Variants in GNA14 observed in about 807,000 individuals in gnomAD.
GNA14 encodes the protein guanine nucleotide-binding protein subunit alpha-14.
A neutral mutation model predicts 42.0 loss-of-function variants in GNA14; 50 were observed. That is an observed-to-expected ratio of 1.19 (90% confidence interval 0.95 to 1.51). The LOEUF is 1.51. Ranked by LOEUF, GNA14 falls within the 40% of genes most tolerant of loss-of-function variation. GNA14 has a pLI of 0.00. For synonymous variants in GNA14, 173 were observed against 163.1 expected (o/e 1.06, Z -0.46); for missense variants, 473 against 446.2 (o/e 1.06, Z -0.54).
At chr9:77,448,201 A>G (rs979387025) in intron 2 of GNA14, among the ~76,000 whole-genome samples, 8 of 152,238 alleles carry the variant, frequency 5.3e-5, no homozygotes, top group African/African-American at 1.9e-4. Context: ...CACCAAGGCT[A>G]AATCACGTAC....
intron 2 of GNA14, among the ~76,000 whole-genome samples, chr9:77,524,599 T>C (rs913006435): frequency 1.3e-5 from 2 of 152,202 alleles, no homozygotes; most frequent in South Asian, 4.1e-4. Context: ...GTAAAGAAGA[T>C]AACATATAGC....
intron 1 of GNA14, among the ~76,000 whole-genome samples, chr9:77,621,521 C>A (rs563009173): frequency 6.6e-6 from 1 of 152,282 alleles, no homozygotes; most frequent in African/African-American, 2.4e-5. Context: ...TGTTTAGTGT[C>A]CACTCTTATC....
intron 1 of GNA14, among the ~76,000 whole-genome samples, chr9:77,540,759 C>T (rs1837650110): frequency 6.6e-6 from 1 of 152,030 alleles, no homozygotes; most frequent in African/African-American, 2.4e-5. Flanking sequence ...TTTTACCTGA[C>T]ATAAGTATAG....
At chr9:77,644,437 C>CATAAAAAAAAAA (rs1824320632) in intron 1 of GNA14, among the ~76,000 whole-genome samples, 1 of 34,012 alleles carries the variant, frequency 2.9e-5, no homozygotes, top group African/African-American at 1.2e-4. Flanking sequence ...TAAAGAGTGT[C>CATAAAAAAAAAA]AAAAAAAAAA....
intron 1 of GNA14, among the ~76,000 whole-genome samples, chr9:77,538,065 T>TC (rs1837618262): frequency 2.4e-5 from 2 of 81,910 alleles, no homozygotes; most frequent in African/African-American, 1.3e-4. Context: ...TACAGAAGCT[T>TC]CTTTTTTTTT....
intron 1 of GNA14, among the ~76,000 whole-genome samples, chr9:77,623,333 T>A (rs1447316329): frequency 7.0e-6 from 1 of 142,378 alleles, no homozygotes; most frequent in African/African-American, 2.6e-5. Context: ...TGTAAGAAAA[T>A]GTGTGAACTT....
intron 2 of GNA14, among the ~76,000 whole-genome samples, chr9:77,490,178 G>C (rs985189255): frequency 3.3e-5 from 5 of 152,218 alleles, no homozygotes; most frequent in African/African-American, 1.2e-4. Flanking sequence ...GTCCCCACCA[G>C]AGCAGCTAGA....
intron 2 of GNA14, among the ~76,000 whole-genome samples, chr9:77,502,853 G>T (rs151121125): frequency 2.8e-3 from 424 of 152,248 alleles, no homozygotes; most frequent in African/African-American, 9.8e-3. Flanking sequence ...GCTAAAGCAG[G>T]GTGGCTATTG....
intron 1 of GNA14, among the ~76,000 whole-genome samples, chr9:77,620,957 G>A (rs1823912536): frequency 6.6e-6 from 1 of 151,390 alleles, no homozygotes; most frequent in Admixed American, 6.6e-5. Flanking sequence ...TTTTGAGACA[G>A]GGTCTCACTC....
At position 77,587,522 on chromosome 9, in the gene GNA14, T is replaced by C. The variant is rs147921282; in HGVS notation, c.125-58269A>G. Among the ~76,000 whole-genome samples the C allele has an allele frequency of 3.3e-5, 5 of 152,252 alleles. No individual in the cohort carries two copies. In the East Asian group the frequency reaches 9.7e-4, roughly 29 times the overall value. On this transcript the variant is annotated intron_variant, in intron 1 of 6. Transcript: ENST00000341700. The stretch of plus-strand genomic sequence containing the variant: ...TACAACATGGGTGAACTTTAAAATA[T>C]TTGCCAAGCAAAAGAAGCCAGAAGA...
chr9:77,531,540 G>A (rs929276683), intron 1 of GNA14, among the ~76,000 whole-genome samples: 7 of 152,180 alleles, frequency 4.6e-5, no homozygotes, highest in South Asian at 2.1e-4. Context: ...TATTCCACCC[G>A]GCAGAGTTGA....
intron 2 of GNA14, among the ~76,000 whole-genome samples, chr9:77,455,003 A>G (rs1222736720): frequency 6.6e-6 from 1 of 152,242 alleles, no homozygotes; most frequent in African/African-American, 2.4e-5. Flanking sequence ...GCTTGAAACA[A>G]TACCTTTTGA....
chr9:77,640,990 C>T lies in GNA14; in HGVS notation c.124+6680G>A, dbSNP rs73651577. Among the ~76,000 whole-genome samples the T allele has an allele frequency of 5.9e-3, 824 of 139,370 alleles. 20 individuals are homozygous for T. Among genetic ancestry groups the T allele is most frequent in the African/African-American group, 0.021 (771 of 36,196 alleles). The allele number at this position is 139,370 out of a possible 152,430, so 91.4% of individuals were successfully genotyped here. A position where few individuals can be genotyped will look rare whatever the true frequency, so the allele number is the denominator to read the frequency against. ...ATTTGAGCACCAAAATGATTAAGAA[C>T]AGTAATGAAGTAAAAAATCATTGAG... is the stretch of plus-strand genomic sequence containing the variant. On this transcript the variant is annotated intron_variant, in intron 1 of 6. Coordinates refer to ENST00000341700, the MANE Select transcript of GNA14 (RefSeq NM_004297.4).
At chr9:77,574,166 G>C (rs1823098250) in intron 1 of GNA14, among the ~76,000 whole-genome samples, 1 of 152,106 alleles carries the variant, frequency 6.6e-6, no homozygotes, top group African/African-American at 2.4e-5. Flanking sequence ...AAAAAAGAGA[G>C]AGGACCTACA....
At chr9:77,455,050 A>G (rs1242341420) in intron 2 of GNA14, among the ~76,000 whole-genome samples, 1 of 152,214 alleles carries the variant, frequency 6.6e-6, no homozygotes, top group African/African-American at 2.4e-5. Flanking sequence ...AGTCCAGGCA[A>G]TGGTATAACT....
intron 1 of GNA14, among the ~76,000 whole-genome samples, chr9:77,611,464 C>T (rs1564066207): frequency 6.6e-6 from 1 of 152,132 alleles, no homozygotes; most frequent in Non-Finnish European, 1.5e-5. Flanking sequence ...AAGACATTGC[C>T]TCTGTCTTCC....
At chr9:77,642,807 T>G (rs2118038722) in intron 1 of GNA14, among the ~76,000 whole-genome samples, 1 of 152,058 alleles carries the variant, frequency 6.6e-6, no homozygotes, top group South Asian at 2.1e-4. Flanking sequence ...AACACAAAAC[T>G]CAATGAAATC....
intron 2 of GNA14, among the ~76,000 whole-genome samples, chr9:77,454,127 A>C (rs552339575): frequency 6.6e-6 from 1 of 152,324 alleles, no homozygotes; most frequent in East Asian, 1.9e-4. Flanking sequence ...CCAGCCTTCC[A>C]CTACCTGCGT....
At chr9:77,432,712 T>C (rs73454058) in intron 3 of GNA14, among the ~76,000 whole-genome samples, 5,796 of 152,236 alleles carry the variant, frequency 0.038, 292 homozygotes, top group East Asian at 0.19. Context: ...ACGCCCCTCG[T>C]CCATGTCAGT....
Sources: gnomAD v4.1 joint callset for allele counts (sites outside exome capture counted in the v4.1 genomes callset) on GRCh38, gnomAD v4.1.1 for gene constraint, MANE v1.5 for transcripts, NCBI Gene and HGNC (gene_info 2026-07-23, HGNC 2026-07-21) for gene names.